The following TPO variants were observed in gnomAD, a reference collection of about 807,000 sequenced individuals.
The protein encoded by TPO is thyroid peroxidase.
Under a neutral mutation model 96.9 loss-of-function variants are expected in TPO, and 78 were observed. The ratio of observed to expected loss-of-function variants is 0.81; its 90% confidence interval spans 0.67 to 0.97. The LOEUF is 0.97. Ranked by LOEUF, TPO falls within the 50% of genes least tolerant of loss-of-function variation. The pLI is 0.00. For missense variants in TPO, 1,252 were observed against 1,274.8 expected (o/e 0.98, Z 0.27); for synonymous variants, 547 against 538.0 (o/e 1.02, Z -0.23).
intron 13 of TPO, among the ~76,000 whole-genome samples, chr2:1,500,202 C>T (rs1015316849): frequency 4.6e-5 from 7 of 152,188 alleles, no homozygotes; most frequent in Non-Finnish European, 7.3e-5. Context: ...GTGAGGGGAG[C>T]GCTAGGCTCT....
At chr2:1,398,617 G>C (rs887430291) in intron 1 of TPO, among the ~76,000 whole-genome samples, 9 of 152,176 alleles carry the variant, frequency 5.9e-5, no homozygotes, top group Admixed American at 5.2e-4. Context: ...GGGCAGGGAG[G>C]GTCTGGACAA....
intron 5 of TPO, among the ~76,000 whole-genome samples, chr2:1,443,485 G>T (rs1666411072): frequency 1.3e-5 from 2 of 149,720 alleles, no homozygotes; most frequent in Non-Finnish European, 2.9e-5. Context: ...GAGGCAACAT[G>T]TTGGAAGGGA....
At chr2:1,525,783 C>T (rs1490472818) in intron 15 of TPO, among the ~76,000 whole-genome samples, 2 of 147,138 alleles carry the variant, frequency 1.4e-5, no homozygotes, top group Non-Finnish European at 3.0e-5. Context: ...AATCCCGCCA[C>T]TGTGTGCAAC....
At chr2:1,439,612 T>C (rs1665946859) in intron 5 of TPO, among the ~76,000 whole-genome samples, 1 of 152,016 alleles carries the variant, frequency 6.6e-6, no homozygotes, top group African/African-American at 2.4e-5. Flanking sequence ...ACAAAACCTC[T>C]CCCAGCATCT....
chr2:1,455,020 C>T (rs780942337), intron 6 of TPO, among the ~76,000 whole-genome samples: 2 of 152,174 alleles, frequency 1.3e-5, no homozygotes, highest in East Asian at 3.9e-4. Context: ...CAGGGGAGAT[C>T]CCTTTCCTGG....
chr2:1,389,659 G>A (rs937324969), intron 1 of TPO, among the ~76,000 whole-genome samples: 5 of 152,024 alleles, frequency 3.3e-5, no homozygotes, highest in African/African-American at 1.2e-4. Flanking sequence ...TACTTGGGCC[G>A]TTTCTGTCCC....
chr2:1,384,259 T>G (rs1334006843), intron 1 of TPO, among the ~76,000 whole-genome samples: 1 of 152,206 alleles, frequency 6.6e-6, no homozygotes, highest in Non-Finnish European at 1.5e-5. Context: ...AAGTCATTGG[T>G]AGCTTCATGG....
chr2:1,474,729 T>C (rs1193015333), intron 7 of TPO, among the ~76,000 whole-genome samples: 1 of 152,200 alleles, frequency 6.6e-6, no homozygotes, highest in Non-Finnish European at 1.5e-5. Context: ...GCATATACAG[T>C]CGCTCCTGGT....
chr2:1,472,173 T>C (rs1245059676), intron 7 of TPO, among the ~76,000 whole-genome samples: 1 of 152,164 alleles, frequency 6.6e-6, no homozygotes, highest in East Asian at 1.9e-4. Context: ...GCTCATGGCA[T>C]GCCCTTTCCA....
chr2:1,508,755 G>A (rs965797790), intron 14 of TPO, among the ~76,000 whole-genome samples: 20 of 151,986 alleles, frequency 1.3e-4, no homozygotes, highest in South Asian at 6.2e-4. Flanking sequence ...TTTTTGTTGC[G>A]TCTATTTGAT....
In TPO at chr2:1,496,186, C is replaced by G. The variant is rs200601944; in HGVS notation, c.2204C>G (p.Thr735Ser). 1.2e-6 allele frequency: 2 copies of G among 1,613,906 alleles called. No homozygotes were observed. The highest frequency in any genetic ancestry group is 2.2e-5 in the South Asian group (2 of 90,960). Reference sequence around the variant, plus strand: ...ATGAACCTGGAGGCCTGGAGGGAAACCTTTCCTCAAGGTGAAGTTCGGTCT... The same window carrying G: ...ATGAACCTGGAGGCCTGGAGGGAAAGCTTTCCTCAAGGTGAAGTTCGGTCT... ...TGMNLEAWRE[T>S]FPQDDKCGFP... Residue 735 changes from threonine (T) to serine (S), a missense_variant, in exon 12 of 17, where the codon ACC becomes AGC. Transcript: ENST00000329066.
intron 13 of TPO, 164 bp from the exon 14 acceptor site, chr2:1,503,784 G>A (rs1673116316): frequency 7.7e-7 from 1 of 1,301,954 alleles, no homozygotes; most frequent in Admixed American, 2.0e-5. Flanking sequence ...CACCTTTTCG[G>A]ATGTGCCGGG....
chr2:1,412,568 ATCT>A (rs1446968685), upstream of TPO, among the ~76,000 whole-genome samples: 4 of 151,622 alleles, frequency 2.6e-5, no homozygotes, highest in East Asian at 2.0e-4. Context: ...GCTTCAGAAC[ATCT>A]TCTAACAAAG....
At chr2:1,423,294 G>A (rs1166672677) in intron 3 of TPO, among the ~76,000 whole-genome samples, 165 bp downstream of exon 3, 1 of 152,198 alleles carries the variant, frequency 6.6e-6, no homozygotes, top group Non-Finnish European at 1.5e-5. Flanking sequence ...GACAGAACTG[G>A]TATTTAATCT....
intron 1 of TPO, among the ~76,000 whole-genome samples, chr2:1,405,251 A>T (rs533821889): frequency 6.8e-6 from 1 of 147,486 alleles, no homozygotes; most frequent in Non-Finnish European, 1.5e-5. Flanking sequence ...CCATCCATCC[A>T]TCATCCACCC....
chr2:1,525,567 CA>C (rs1676252303), intron 15 of TPO, among the ~76,000 whole-genome samples: 2 of 95,616 alleles, frequency 2.1e-5, no homozygotes, highest in African/African-American at 8.4e-5. Flanking sequence ...CCACTGTGTG[CA>C]AACCCCCCAA....
intron 9 of TPO, 111 bp from the exon 10 acceptor site, chr2:1,487,710 G>A: frequency 7.1e-7 from 1 of 1,414,668 alleles, no homozygotes; most frequent in Non-Finnish European, 9.6e-7. Flanking sequence ...ACTCCAGCCT[G>A]GGCAACAGAA....
intron 5 of TPO, among the ~76,000 whole-genome samples, chr2:1,447,121 G>A (rs1262199363): frequency 6.6e-6 from 1 of 152,128 alleles, no homozygotes; most frequent in Non-Finnish European, 1.5e-5. Flanking sequence ...GACCGTGATG[G>A]GGAGAGTGAG....
In TPO at chr2:1,496,666, G is replaced by C; in HGVS notation, c.2287G>C (p.Val763Leu). ...FVHCEESGRR[V>L]LVYSCRHGYE... Reference sequence around the variant, plus strand: ...GCACTGTGAGGAGTCTGGGAGGCGCGTGCTGGTGTATTCCTGCCGGCACGG... The same window carrying C: ...GCACTGTGAGGAGTCTGGGAGGCGCCTGCTGGTGTATTCCTGCCGGCACGG... The change falls in exon 13 of 17, where the codon GTG becomes CTG. Residue 763 changes from valine (V) to leucine (L), a missense_variant. Transcript: ENST00000329066. The C allele has an allele frequency of 6.2e-7, 1 of 1,614,058 alleles. No individual in the cohort carries two copies.
Sources: allele counts gnomAD v4.1 joint callset (sites outside exome capture counted in the v4.1 genomes callset), GRCh38; gene constraint gnomAD v4.1.1; transcripts MANE v1.5; gene names NCBI Gene and HGNC (gene_info 2026-07-23, HGNC 2026-07-21).